Variants in ZFHX3 observed in about 807,000 individuals in gnomAD.
The protein encoded by ZFHX3 is zinc finger homeobox protein 3.
Under a neutral mutation model 279.1 loss-of-function variants are expected in ZFHX3, and 42 were observed. The observed-to-expected ratio is 0.15, with a 90% CI of 0.12 to 0.19. The LOEUF (loss-of-function observed/expected upper bound fraction) is 0.19. Ranked by LOEUF, ZFHX3 falls within the 10% of genes least tolerant of loss-of-function variation. The pLI is 1.00. For missense variants in ZFHX3, 4,981 were observed against 4,754.0 expected (o/e 1.05, Z -1.40); for synonymous variants, 2,293 against 1,957.8 (o/e 1.17, Z -4.52).
chr16:73,783,775 C>T (rs1959549838), intron 1 of ZFHX3, among the ~76,000 whole-genome samples: 1 of 152,196 alleles, frequency 6.6e-6, no homozygotes, highest in Non-Finnish European at 1.5e-5. Flanking sequence ...TTACTACTAT[C>T]ATCCCATTTT....
At chr16:73,795,786 A>T (rs1461292547) in intron 1 of ZFHX3, among the ~76,000 whole-genome samples, 1 of 152,246 alleles carries the variant, frequency 6.6e-6, no homozygotes, top group Non-Finnish European at 1.5e-5. Context: ...AGTGTGAGTT[A>T]AGAGGTCCCT....
intron 2 of ZFHX3, among the ~76,000 whole-genome samples, chr16:73,505,519 C>T (rs753293249): frequency 3.3e-4 from 50 of 151,406 alleles, no homozygotes; most frequent in Admixed American, 1.9e-3. Context: ...CTTAGACAGT[C>T]ACTCTTAGGC....
At chr16:73,540,742 T>C (rs565986479) in intron 2 of ZFHX3, among the ~76,000 whole-genome samples, 1 of 152,324 alleles carries the variant, frequency 6.6e-6, no homozygotes, top group South Asian at 2.1e-4. Flanking sequence ...TCGGTGAACA[T>C]ACTCCTCAAT....
At chr16:73,472,546 C>G (rs2143606057) in intron 2 of ZFHX3, among the ~76,000 whole-genome samples, 1 of 152,260 alleles carries the variant, frequency 6.6e-6, no homozygotes, top group South Asian at 2.1e-4. Context: ...ATCATGAGTG[C>G]CTGAGTCAGG....
intron 2 of ZFHX3, among the ~76,000 whole-genome samples, chr16:73,549,960 T>G (rs1039632673): frequency 4.6e-5 from 7 of 152,122 alleles, no homozygotes; most frequent in African/African-American, 1.7e-4. Context: ...CTCCTGTCTT[T>G]TCTCAGTGTC....
At chr16:73,154,082 C>T (rs1027151497) in intron 5 of ZFHX3, among the ~76,000 whole-genome samples, 2 of 152,150 alleles carry the variant, frequency 1.3e-5, no homozygotes, top group Admixed American at 6.5e-5. Context: ...GTGAAGGCGA[C>T]CATTGCGAAA....
At chr16:72,965,057 T>G (rs577289527) in intron 1 of ZFHX3, among the ~76,000 whole-genome samples, 6 of 139,830 alleles carry the variant, frequency 4.3e-5, no homozygotes, top group Non-Finnish European at 9.7e-5. Context: ...TTTTGTAGTT[T>G]TAGTATAGAT....
At position 73,014,518 on chromosome 16, in the gene ZFHX3, C is replaced by CTTTTTTTTTTTTTT. The variant is rs1000108439; in HGVS notation, c.-50+33220_-50+33233dup. On this transcript the variant is annotated intron_variant, in intron 1 of 9. Coordinates refer to ENST00000268489, the MANE Select transcript of ZFHX3 (RefSeq NM_006885.4). ...AACAAGTTTGTGGTAATTTCTTCTT[C>CTTTTTTTTTTTTTT]TTTTTTTTTTTTTTTTTTTTTTTTT... 11 of 63,406 alleles carry CTTTTTTTTTTTTTT rather than the reference C, an allele frequency of 1.7e-4. 1 individual carries two copies. Among genetic ancestry groups the CTTTTTTTTTTTTTT allele is most frequent in the African/African-American group, 6.3e-4 (10 of 15,976 alleles). 3.9% of individuals were successfully genotyped at this position (63,406 alleles called of 1,614,324 possible). A position where few individuals can be genotyped will look rare whatever the true frequency, so the allele number is the denominator to read the frequency against.
chr16:72,961,687 G>T (rs571914458), intron 1 of ZFHX3, among the ~76,000 whole-genome samples: 1 of 151,448 alleles, frequency 6.6e-6, no homozygotes. Flanking sequence ...GCTCCCCCTC[G>T]GGAAAAACTG....
chr16:73,179,703 A>T (rs1241624929), intron 5 of ZFHX3, among the ~76,000 whole-genome samples: 1 of 152,136 alleles, frequency 6.6e-6, no homozygotes, highest in East Asian at 1.9e-4. Context: ...GGCTAGAGGG[A>T]ATGAATAACA....
intron 3 of ZFHX3, among the ~76,000 whole-genome samples, chr16:73,349,657 CTTCCCTCTCTCCCTCCTTCCCTCT>C (rs2016192485): frequency 4.9e-4 from 6 of 12,252 alleles, no homozygotes; most frequent in African/African-American, 1.5e-3. Context: ...TCTCTCCCTC[CTTCCCTCTCTCCCTCCTTCCCTCT>C]CTCCCTCTCC....
chr16:72,905,195 A>G (rs1343465152), intron 3 of ZFHX3, among the ~76,000 whole-genome samples: 1 of 152,120 alleles, frequency 6.6e-6, no homozygotes, highest in Non-Finnish European at 1.5e-5. Context: ...CTGTCCCTCA[A>G]TGACTGAGAT....
At chr16:73,035,436 T>A (rs944116057) in intron 1 of ZFHX3, among the ~76,000 whole-genome samples, 2 of 152,228 alleles carry the variant, frequency 1.3e-5, no homozygotes, top group African/African-American at 4.8e-5. Context: ...ACTTCTCTTG[T>A]CTGTCTTGAA....
chr16:73,678,203 A>G (rs1434801777), intron 2 of ZFHX3, among the ~76,000 whole-genome samples: 1 of 152,140 alleles, frequency 6.6e-6, no homozygotes. Context: ...GATAACAGGA[A>G]TGAGTAAAAC....
At chr16:73,160,913 G>A (rs960419554) in intron 5 of ZFHX3, among the ~76,000 whole-genome samples, 4 of 151,616 alleles carry the variant, frequency 2.6e-5, no homozygotes, top group African/African-American at 9.7e-5. Flanking sequence ...ATTCTTGGGT[G>A]GTGCCCTCTC....
In ZFHX3 at chr16:73,140,423, G is replaced by C. The variant is rs1367216694; in HGVS notation, c.-1024+3329C>G. Among the ~76,000 whole-genome samples, 3 of 152,128 alleles carry C rather than the reference G, an allele frequency of 2.0e-5. 1 individual carries two copies. The highest frequency in any genetic ancestry group is 6.3e-3 in the Middle Eastern group (2 of 316). On this transcript the variant is annotated intron_variant, in intron 6 of 17. Transcript: ENST00000641206. ...TTTGGACCTCTAATGGCTATCATTG[G>C]ACCTGATTCATCCTGATCTGCTGAG...
chr16:72,783,431 A>G lies in ZFHX3; in HGVS notation c.*3733T>C, dbSNP rs968331243. The G allele has an allele frequency of 2.0e-5, 3 of 152,532 alleles. No homozygotes were observed. The highest frequency in any genetic ancestry group is 4.4e-5 in the Non-Finnish European group (3 of 68,020). 9.4% of individuals were successfully genotyped at this position (152,532 alleles called of 1,614,324 possible). On this transcript the variant is annotated 3_prime_UTR_variant, in exon 10 of 10. Coordinates refer to ENST00000268489, the MANE Select transcript of ZFHX3 (RefSeq NM_006885.4). ...TATTATTTAAAAAAAATATATGTCC[A>G]TGAACATCAAGTGCACTGGCTTGGG...
intron 2 of ZFHX3, among the ~76,000 whole-genome samples, chr16:73,546,680 C>CTGG (rs1192371059): frequency 3.0e-5 from 1 of 33,084 alleles, no homozygotes; most frequent in Admixed American, 3.7e-4. Flanking sequence ...GTTGCTGCTG[C>CTGG]TGCTGCTGCT....
intron 2 of ZFHX3, among the ~76,000 whole-genome samples, chr16:73,621,817 C>G (rs887327261): frequency 6.6e-6 from 1 of 152,142 alleles, no homozygotes; most frequent in African/African-American, 2.4e-5. Flanking sequence ...AAATCCTCCA[C>G]CGAACAGCTT....
Sources: gnomAD v4.1 joint callset for allele counts (sites outside exome capture counted in the v4.1 genomes callset) on GRCh38, gnomAD v4.1.1 for gene constraint, MANE v1.5 for transcripts, NCBI Gene and HGNC (gene_info 2026-07-23, HGNC 2026-07-21) for gene names.